The following OSBP2 variants were observed in gnomAD, a reference collection of about 807,000 sequenced individuals.
OSBP2 encodes the protein oxysterol binding protein 2.
Under a neutral mutation model 96.0 loss-of-function variants are expected in OSBP2, and 66 were observed. The observed-to-expected ratio is 0.69, with a 90% CI of 0.56 to 0.84. OSBP2 has a LOEUF of 0.84. OSBP2 is among the 40% of genes least tolerant of loss of function. The pLI, the probability that OSBP2 is intolerant of heterozygous loss-of-function variation, is 0.00. For synonymous variants in OSBP2, 525 were observed against 520.9 expected (o/e 1.01, Z -0.11); for missense variants, 1,038 against 1,222.7 (o/e 0.85, Z 2.25).
intron 12 of OSBP2, among the ~76,000 whole-genome samples, chr22:30,902,032 C>T (rs551904035): frequency 2.0e-5 from 3 of 150,132 alleles, no homozygotes; most frequent in Non-Finnish European, 3.0e-5. Flanking sequence ...GTGGTACATT[C>T]GCATGAAGGA....
At chr22:30,869,669 G>A (rs756318219) in intron 2 of OSBP2, among the ~76,000 whole-genome samples, 2 of 152,174 alleles carry the variant, frequency 1.3e-5, no homozygotes, top group Non-Finnish European at 2.9e-5. Context: ...CTGGGTAGCT[G>A]GGACCATCAG....
At chr22:30,708,824 G>A (rs186385497) in intron 1 of OSBP2, among the ~76,000 whole-genome samples, 18 of 151,816 alleles carry the variant, frequency 1.2e-4, no homozygotes, top group Admixed American at 5.2e-4. Flanking sequence ...CCACAGGCCA[G>A]GGGGGTTGGC....
chr22:30,784,619 G>A (rs2090562696), intron 2 of OSBP2, among the ~76,000 whole-genome samples: 1 of 152,034 alleles, frequency 6.6e-6, no homozygotes, highest in African/African-American at 2.4e-5. Flanking sequence ...TGTGAGAAAG[G>A]CATCTAATTT....
At chr22:30,778,170 CTTTT>C (rs71202014) in intron 2 of OSBP2, among the ~76,000 whole-genome samples, 1 of 67,018 alleles carries the variant, frequency 1.5e-5, no homozygotes, top group Non-Finnish European at 2.9e-5. Context: ...AATTTTTGCC[CTTTT>C]TTTTTTTTTT....
In OSBP2 at chr22:30,898,566, A is replaced by G. The variant is rs867494945; in HGVS notation, c.2375+4565A>G. 1.7e-4 allele frequency among the ~76,000 whole-genome samples: 26 copies of G among 152,284 alleles called. 1 individual carries two copies. The highest frequency in any genetic ancestry group is 1.7e-3 in the South Asian group (8 of 4,826). ...AAGGAGAAGCAAGTACCTTCTTCAC[A>G]AGGCAGCAGGAAAAGAGCAGAGAGT... is the stretch of plus-strand genomic sequence containing the variant. On this transcript the variant is annotated intron_variant, in intron 12 of 13. Coordinates refer to ENST00000332585, the MANE Select transcript of OSBP2 (RefSeq NM_030758.4).
rs571794657 is a variant in OSBP2 at position 30,762,279 on chromosome 22, G to T, written c.853+20910G>T. 2.0e-5 allele frequency among the ~76,000 whole-genome samples: 3 copies of T among 150,538 alleles called. No individual in the cohort carries two copies. The East Asian group carries it at 6.0e-4, about 30-fold the overall frequency. ...AAAATGCAATTTTGGGCCGGGCGCG[G>T]TGGCTCACGCCTGTAATCTCAGCAC... On this transcript the variant is annotated intron_variant, in intron 2 of 13. Coordinates refer to ENST00000332585, the MANE Select transcript of OSBP2 (RefSeq NM_030758.4).
chr22:30,873,413 G>A (rs58514041), intron 3 of OSBP2, among the ~76,000 whole-genome samples: 2,442 of 152,202 alleles, frequency 0.016, 62 homozygotes, highest in African/African-American at 0.051. Flanking sequence ...CAGCTTCAAG[G>A]TATCCTCTGG....
chr22:30,824,301 AGG>A (rs1280485654), intron 2 of OSBP2, among the ~76,000 whole-genome samples: 1 of 152,260 alleles, frequency 6.6e-6, no homozygotes, highest in East Asian at 1.9e-4. Context: ...TGCTTAGAAC[AGG>A]GCCTGGAGCA....
chr22:30,705,371 G>A (rs894982019), intron 1 of OSBP2, among the ~76,000 whole-genome samples: 1 of 151,976 alleles, frequency 6.6e-6, no homozygotes, highest in Non-Finnish European at 1.5e-5. Context: ...TCAGCTCACC[G>A]CAACCTCCGC....
In OSBP2 at chr22:30,889,787, C is replaced by T. The variant is rs144503049; in HGVS notation, c.1623+151C>T. 741 of 721,614 alleles carry T rather than the reference C, an allele frequency of 1.0e-3. 3 individuals carry two copies. The Middle Eastern group carries it at 0.014, about 13-fold the overall frequency. 44.7% of individuals were successfully genotyped at this position (721,614 alleles called of 1,614,324 possible). A position where few individuals can be genotyped will look rare whatever the true frequency, so the allele number is the denominator to read the frequency against. On this transcript the variant is annotated intron_variant, in intron 7 of 13. Transcript: ENST00000332585. ...AGGAGCATGTAACTAATTATCTAATCGTGCACATAGGCATTGCCCAATCTT... is the reference window on the plus strand; with the variant it reads ...AGGAGCATGTAACTAATTATCTAATTGTGCACATAGGCATTGCCCAATCTT...
At chr22:30,788,222 A>C (rs1342193206) in intron 2 of OSBP2, among the ~76,000 whole-genome samples, 1 of 152,152 alleles carries the variant, frequency 6.6e-6, no homozygotes, top group Non-Finnish European at 1.5e-5. Context: ...ATCAGCTGCA[A>C]AGCGTCTTCT....
intron 2 of OSBP2, among the ~76,000 whole-genome samples, chr22:30,847,586 T>A (rs574937536): frequency 5.6e-4 from 86 of 152,342 alleles, no homozygotes; most frequent in African/African-American, 1.1e-3. Context: ...AGCCTAATTC[T>A]TAAATATTTG....
intron 1 of OSBP2, among the ~76,000 whole-genome samples, chr22:30,716,044 C>CT (rs35254892): frequency 2.1e-4 from 29 of 137,582 alleles, no homozygotes; most frequent in Admixed American, 7.2e-4. Context: ...TTCTTTCTTT[C>CT]TTTTTTTTTT....
At chr22:30,714,472 G>T (rs1445903407) in intron 1 of OSBP2, among the ~76,000 whole-genome samples, 1 of 151,692 alleles carries the variant, frequency 6.6e-6, no homozygotes, top group East Asian at 1.9e-4. Context: ...CTATTTTTAA[G>T]TGTACAGTTC....
At chr22:30,778,397 G>T (rs2090467270) in intron 2 of OSBP2, among the ~76,000 whole-genome samples, 1 of 151,792 alleles carries the variant, frequency 6.6e-6, no homozygotes, top group Non-Finnish European at 1.5e-5. Context: ...GCATCAGCAT[G>T]CTGGCTGCTC....
chr22:30,796,914 A>G (rs2090772529), intron 2 of OSBP2, among the ~76,000 whole-genome samples: 1 of 152,240 alleles, frequency 6.6e-6, no homozygotes, highest in Admixed American at 6.5e-5. Context: ...GTTGTTGTGC[A>G]TCCATGACCA....
At chr22:30,781,445 C>T (rs150658096) in intron 2 of OSBP2, among the ~76,000 whole-genome samples, 1,953 of 152,300 alleles carry the variant, frequency 0.013, 7 homozygotes, top group Middle Eastern at 0.02. Flanking sequence ...TCATGCCACA[C>T]ACTGAGTCAT....
chr22:30,824,957 C>T (rs1022194015), intron 2 of OSBP2, among the ~76,000 whole-genome samples: 1 of 152,136 alleles, frequency 6.6e-6, no homozygotes, highest in African/African-American at 2.4e-5. Flanking sequence ...CTCTGCTGCT[C>T]GGCTGTGTGT....
chr22:30,743,178 G>T (rs2089961754), intron 2 of OSBP2, among the ~76,000 whole-genome samples: 1 of 152,230 alleles, frequency 6.6e-6, no homozygotes, highest in African/African-American at 2.4e-5. Flanking sequence ...ACTGGGTGGG[G>T]AGATGGTGAG....
Sources: allele counts gnomAD v4.1 joint callset (sites outside exome capture counted in the v4.1 genomes callset), GRCh38; gene constraint gnomAD v4.1.1; transcripts MANE v1.5; gene names NCBI Gene and HGNC (gene_info 2026-07-23, HGNC 2026-07-21).